The following LARP4B variants were observed in gnomAD, a reference collection of about 807,000 sequenced individuals.
LARP4B encodes the protein La ribonucleoprotein 4B.
In LARP4B, 12 loss-of-function variants were observed where a neutral mutation model predicts 89.8. That is an observed-to-expected ratio of 0.13 (90% CI 0.09 to 0.22). LARP4B has a LOEUF of 0.22. Among genes scored for constraint, LARP4B ranks in the 10% least tolerant of loss-of-function variants. LARP4B has a pLI of 1.00. For synonymous variants in LARP4B, 367 were observed against 363.3 expected, an observed-to-expected ratio of 1.01 and a Z score of -0.12; for missense variants, 757 against 947.7, an observed-to-expected ratio of 0.80 and a Z score of 2.64.
intron 5 of LARP4B, among the ~76,000 whole-genome samples, chr10:851,404 G>A (rs1164069994): frequency 6.6e-6 from 1 of 152,070 alleles, no homozygotes; most frequent in Non-Finnish European, 1.5e-5. Flanking sequence ...GGCTGGTCTT[G>A]AACTCTTGAC....
At chr10:938,714 G>A in the LARP4B span, among the ~76,000 whole-genome samples, 1 of 152,118 alleles carries the variant, frequency 6.6e-6, no homozygotes, top group Non-Finnish European at 1.5e-5. Flanking sequence ...GTATGTATAT[G>A]TCTATATATA....
At chr10:854,748 G>C (rs1356833335) in intron 5 of LARP4B, among the ~76,000 whole-genome samples, 1 of 152,132 alleles carries the variant, frequency 6.6e-6, no homozygotes, top group African/African-American at 2.4e-5. Flanking sequence ...TGGGAAATGA[G>C]CACTGGCTTC....
intron 3 of LARP4B, chr10:870,054 C>T: frequency 1.0e-6 from 1 of 985,722 alleles, no homozygotes. Context: ...ACAACACCGT[C>T]CTCTGACACC....
At chr10:868,495 C>G (rs1158086786) in intron 3 of LARP4B, among the ~76,000 whole-genome samples, 1 of 151,932 alleles carries the variant, frequency 6.6e-6, no homozygotes. Context: ...TTTGGGAATA[C>G]CTCATAATGG....
chr10:931,013 C>G (rs1227811369), intron 1 of LARP4B, among the ~76,000 whole-genome samples: 1 of 150,808 alleles, frequency 6.6e-6, no homozygotes, highest in East Asian at 1.9e-4. Context: ...CGGCCTTCGC[C>G]CAACCCCGGC....
chr10:836,514 G>C lies in LARP4B; in HGVS notation c.647-8C>G. The C allele has an allele frequency of 6.4e-7, 1 of 1,572,062 alleles. No homozygotes were observed. The highest frequency in any genetic ancestry group is 8.7e-7 in the Non-Finnish European group (1 of 1,145,606). On this transcript the variant is annotated splice_region_variant and splice_polypyrimidine_tract_variant and intron_variant, in intron 7 of 17. Transcript: ENST00000316157. ...CTTGGACTAAAGGTAAAGCTACAAA[G>C]AGAAGAAAAATCAATGGTGAAACAA...
At chr10:936,674 A>G (rs1045657679), upstream of LARP4B, among the ~76,000 whole-genome samples, 18 of 152,184 alleles carry the variant, frequency 1.2e-4, no homozygotes, top group African/African-American at 4.1e-4. Flanking sequence ...AGTGAGCGAG[A>G]TCGTGCCATT....
At chr10:920,147 C>A (rs1465025177) in intron 1 of LARP4B, among the ~76,000 whole-genome samples, 2 of 152,096 alleles carry the variant, frequency 1.3e-5, no homozygotes, top group Non-Finnish European at 2.9e-5. Flanking sequence ...GCGGAGGGTG[C>A]GCCTTAACAG....
chr10:971,285 G>A, the LARP4B span: 20 of 152,154 alleles, frequency 1.3e-4, no homozygotes, highest in Non-Finnish European at 2.9e-5. Context: ...TTATTAGCAA[G>A]TATGACGTAA....
chr10:849,099 A>G (rs1207688985), intron 5 of LARP4B, among the ~76,000 whole-genome samples: 1 of 152,146 alleles, frequency 6.6e-6, no homozygotes, highest in Admixed American at 6.6e-5. Flanking sequence ...TAGCCGGAGG[A>G]AGTGGAGCAA....
chr10:887,719 A>C (rs1835901416), intron 1 of LARP4B, among the ~76,000 whole-genome samples: 1 of 151,736 alleles, frequency 6.6e-6, no homozygotes, highest in Admixed American at 6.6e-5. Flanking sequence ...AAAACAATAA[A>C]AAATACAAAA....
intron 3 of LARP4B, among the ~76,000 whole-genome samples, chr10:874,298 A>T (rs1835366271): frequency 6.6e-6 from 1 of 152,202 alleles, no homozygotes; most frequent in African/African-American, 2.4e-5. Flanking sequence ...CAAGTTAATG[A>T]TGCTGCATTT....
intron 3 of LARP4B, among the ~76,000 whole-genome samples, chr10:884,011 A>G (rs887791120): frequency 2.6e-5 from 4 of 152,236 alleles, no homozygotes; most frequent in African/African-American, 7.2e-5. Flanking sequence ...TTAAAAACCA[A>G]TGAATTCTAC....
chr10:949,563 GC>G, the LARP4B span, among the ~76,000 whole-genome samples: 1 of 152,204 alleles, frequency 6.6e-6, no homozygotes, highest in Non-Finnish European at 1.5e-5. Flanking sequence ...CATCCCACCA[GC>G]CCCGGGTGAG....
chr10:850,566 T>C (rs1024028515), intron 5 of LARP4B, among the ~76,000 whole-genome samples: 2 of 152,128 alleles, frequency 1.3e-5, no homozygotes, highest in African/African-American at 4.8e-5. Context: ...ACAGAACAAG[T>C]AGACAGAAAT....
At chr10:853,928 T>C (rs1274525315) in intron 5 of LARP4B, among the ~76,000 whole-genome samples, 1 of 152,192 alleles carries the variant, frequency 6.6e-6, no homozygotes, top group Non-Finnish European at 1.5e-5. Flanking sequence ...TGATATCATT[T>C]TGTCAACAGT....
At chr10:860,045 C>T (rs1434966296) in intron 5 of LARP4B, among the ~76,000 whole-genome samples, 2 of 138,444 alleles carry the variant, frequency 1.4e-5, no homozygotes, top group South Asian at 2.2e-4. Flanking sequence ...TAATGATGTG[C>T]CAATATAGGA....
intron 1 of LARP4B, among the ~76,000 whole-genome samples, chr10:906,756 T>C (rs910948160): frequency 6.6e-6 from 1 of 152,136 alleles, no homozygotes; most frequent in Non-Finnish European, 1.5e-5. Context: ...TGATAACCAA[T>C]CTCTCTTATT....
the LARP4B span, among the ~76,000 whole-genome samples, chr10:948,826 C>T: frequency 1.3e-5 from 2 of 152,200 alleles, no homozygotes; most frequent in African/African-American, 4.8e-5. Flanking sequence ...GTGTGTGTGC[C>T]CATAGCTCGT....
Sources: gnomAD v4.1 joint callset for allele counts (sites outside exome capture counted in the v4.1 genomes callset) on GRCh38, gnomAD v4.1.1 for gene constraint, MANE v1.5 for transcripts, NCBI Gene and HGNC (gene_info 2026-07-23, HGNC 2026-07-21) for gene names.